The following EXOC1L variants were observed in gnomAD, a reference collection of about 807,000 sequenced individuals.
The protein encoded by EXOC1L is exocyst complex component 1-like.
EXOC1L carries 10 observed loss-of-function variants against 4.9 expected under a neutral mutation model. That is an observed-to-expected ratio of 2.02 (90% CI 1.25 to 3.43). The LOEUF is 3.43. EXOC1L is among the 30% of genes most tolerant of loss of function. EXOC1L has a pLI of 0.00. For missense variants in EXOC1L, 114 were observed against 59.4 expected, an observed-to-expected ratio of 1.92 and a Z score of -3.02; for synonymous variants, 41 against 20.8, an observed-to-expected ratio of 1.97 and a Z score of -2.63.
chr4:55,837,172 G>T lies in EXOC1L; in HGVS notation c.340G>T (p.Val114Leu). ...CASKYAFARTVNKLNHAYLKK... is the reference protein window; with the variant it reads ...CASKYAFARTLNKLNHAYLKK... ...TTCTAAATATGCCTTTGCTCGAACT[G>T]TAAATAAGCTGAATCATGCATATCT... is the stretch of plus-strand genomic sequence containing the variant. The change falls in exon 3 of 3, where the codon GTA (valine) becomes TTA (leucine). Residue 114 changes from valine to leucine, a missense_variant. Transcript: ENST00000636125. 1 of 702,082 alleles carries T rather than the reference G, an allele frequency of 1.4e-6. No individual in the cohort carries two copies. Among genetic ancestry groups the T allele is most frequent in the Non-Finnish European group, 2.6e-6 (1 of 384,352 alleles). The allele number at this position is 702,082 out of a possible 1,614,324, so 43.5% of individuals were successfully genotyped here.
At chr4:55,829,091 C>T (rs1054791512) in intron 1 of EXOC1L, among the ~76,000 whole-genome samples, 5 of 152,108 alleles carry the variant, frequency 3.3e-5, no homozygotes, top group African/African-American at 1.2e-4. Flanking sequence ...GGTTTTCATC[C>T]AGTGTTGTTT....
intron 1 of EXOC1L, among the ~76,000 whole-genome samples, chr4:55,829,304 C>A (rs1719965842): frequency 6.6e-6 from 1 of 152,174 alleles, no homozygotes; most frequent in Non-Finnish European, 1.5e-5. Flanking sequence ...GAATTTGGAT[C>A]ATTCTGATGT....
chr4:55,824,707 A>G (rs1163727264), intron 1 of EXOC1L, among the ~76,000 whole-genome samples: 1 of 152,198 alleles, frequency 6.6e-6, no homozygotes, highest in African/African-American at 2.4e-5. Flanking sequence ...AAATCAGGGT[A>G]ATTGTAGGTG....
rs530482591 is a variant in EXOC1L, at chr4:55,831,390, G to A, written c.178G>A (p.Asp60Asn). ...GGTGAAACACTACAGAATAGGTTTA[G>A]ATGAAAAATATGAAGTAACAAAAAA... Reference protein sequence around the residue: ...VMVKHYRIGLDEKYEVTKKWS... With the variant: ...VMVKHYRIGLNEKYEVTKKWS... The change falls in exon 2 of 3, where the codon GAT becomes AAT. Residue 60 changes from aspartate (D) to asparagine (N), a missense_variant. Coordinates refer to ENST00000636125, the MANE Select transcript of EXOC1L (RefSeq NM_001351574.3). 2.9e-5 allele frequency: 20 copies of A among 693,918 alleles called. No individual in the cohort carries two copies. In the East Asian group the frequency reaches 4.9e-4, roughly 17 times the overall value. The allele number at this position is 693,918 out of a possible 1,614,324, so 43.0% of individuals were successfully genotyped here.
Position 55,837,437 on chromosome 4 carries a change from A to C in EXOC1L, c.*86A>C. On this transcript the variant is annotated 3_prime_UTR_variant, in exon 3 of 3. Transcript: ENST00000636125. Reference sequence around the variant, plus strand: ...ATTGTCATAATTTTGTTTTTCCTTCATCAGTGATTATTATAATTTAAATAA... The same window carrying C: ...ATTGTCATAATTTTGTTTTTCCTTCCTCAGTGATTATTATAATTTAAATAA... The C allele has an allele frequency of 2.3e-6, 1 of 438,854 alleles. No homozygotes were observed. Among genetic ancestry groups the C allele is most frequent in the East Asian group, 3.3e-5 (1 of 29,878 alleles). 27.2% of individuals were successfully genotyped at this position (438,854 alleles called of 1,614,324 possible). A position where few individuals can be genotyped will look rare whatever the true frequency, so the allele number is the denominator to read the frequency against.
At chr4:55,835,798 T>C in intron 2 of EXOC1L, among the ~76,000 whole-genome samples, 1 of 152,062 alleles carries the variant, frequency 6.6e-6, no homozygotes. Flanking sequence ...TCTCCCACTC[T>C]GTGGGTTGTC....
intron 2 of EXOC1L, among the ~76,000 whole-genome samples, chr4:55,834,528 C>T (rs1041140990): frequency 2.0e-5 from 3 of 151,932 alleles, no homozygotes; most frequent in East Asian, 1.9e-4. Flanking sequence ...AATTATTACG[C>T]TAAAGGAAAA....
intron 2 of EXOC1L, among the ~76,000 whole-genome samples, chr4:55,836,416 G>T (rs1487767032): frequency 1.3e-5 from 2 of 151,928 alleles, no homozygotes; most frequent in Non-Finnish European, 2.9e-5. Flanking sequence ...AGGCATCATT[G>T]TTACTGCTAT....
chr4:55,834,594 G>T (rs534502681), intron 2 of EXOC1L, among the ~76,000 whole-genome samples: 1 of 151,944 alleles, frequency 6.6e-6, no homozygotes, highest in East Asian at 1.9e-4. Context: ...ACCTGATGAG[G>T]AGCAAATGTT....
intron 2 of EXOC1L, among the ~76,000 whole-genome samples, chr4:55,835,741 G>A (rs187150903): frequency 3.4e-4 from 51 of 152,050 alleles, no homozygotes; most frequent in Admixed American, 7.2e-4. Context: ...GTTCCTTGTA[G>A]ATTCTGGATA....
chr4:55,832,290 T>A (rs1720057061), intron 2 of EXOC1L, among the ~76,000 whole-genome samples: 2 of 152,146 alleles, frequency 1.3e-5, no homozygotes, highest in Non-Finnish European at 2.9e-5. Flanking sequence ...AATAAGTCTT[T>A]GTAGTGTTAT....
rs112164936 is a variant in EXOC1L at position 55,835,914 on chromosome 4, T to C, written c.253-1171T>C. ...ATATCACAATCTTTAGGAACTATCA[T>C]TTATTAAGCTCCACGCTCGTTTACA... is the stretch of plus-strand genomic sequence containing the variant. On this transcript the variant is annotated intron_variant, in intron 2 of 2. Transcript: ENST00000636125. Among the ~76,000 whole-genome samples the C allele has an allele frequency of 5.0e-3, 765 of 152,066 alleles. 8 individuals are homozygous for C. Among genetic ancestry groups the C allele is most frequent in the Non-Finnish European group, 7.0e-3 (475 of 67,836 alleles).
intron 2 of EXOC1L, 59 bp from the exon 3 acceptor site, chr4:55,837,026 C>T (rs1720181847): frequency 1.7e-6 from 1 of 605,508 alleles, no homozygotes; most frequent in Admixed American, 2.5e-5. Context: ...TGAGAGAATC[C>T]AGGAAACCTA....
At chr4:55,820,431 G>T (rs957569836) in intron 1 of EXOC1L, among the ~76,000 whole-genome samples, 41 of 152,264 alleles carry the variant, frequency 2.7e-4, no homozygotes, top group Admixed American at 2.2e-3. Context: ...CCAATCGTTT[G>T]TTTAATTCAT....
chr4:55,820,684 C>T (rs919760876), intron 1 of EXOC1L, among the ~76,000 whole-genome samples: 6 of 152,174 alleles, frequency 3.9e-5, no homozygotes, highest in Admixed American at 6.5e-5. Context: ...ACTTCTTTCT[C>T]TTATAGGAAG....
rs1719739414 is a variant in EXOC1L, at chr4:55,821,479, G to T, written c.121+1332G>T. ...AAAATGTAATAATTTTGTATTTGTT[G>T]TAATTTCCACTTTATAAAGCTGATT... On this transcript the variant is annotated intron_variant, in intron 1 of 2. Transcript: ENST00000636125. 2.0e-5 allele frequency among the ~76,000 whole-genome samples: 3 copies of T among 152,132 alleles called. 1 individual carries two copies. In the South Asian group the frequency reaches 6.2e-4, roughly 31 times the overall value.
chr4:55,835,528 G>T (rs994451975), intron 2 of EXOC1L, among the ~76,000 whole-genome samples: 3 of 151,612 alleles, frequency 2.0e-5, no homozygotes, highest in Non-Finnish European at 4.4e-5. Flanking sequence ...ACTATTTTTT[G>T]ATTTTTTGAT....
At chr4:55,827,030 C>T (rs1719902276) in intron 1 of EXOC1L, among the ~76,000 whole-genome samples, 1 of 152,172 alleles carries the variant, frequency 6.6e-6, no homozygotes, top group Admixed American at 6.5e-5. Flanking sequence ...AAATAAGTTT[C>T]TGAACCTTAA....
intron 1 of EXOC1L, among the ~76,000 whole-genome samples, chr4:55,822,936 T>C (rs1326029195): frequency 2.0e-5 from 3 of 150,954 alleles, no homozygotes; most frequent in Admixed American, 6.6e-5. Context: ...TGTATATATG[T>C]ATATACTATA....
Sources: allele counts gnomAD v4.1 joint callset (sites outside exome capture counted in the v4.1 genomes callset), GRCh38; gene constraint gnomAD v4.1.1; transcripts MANE v1.5; gene names NCBI Gene and HGNC (gene_info 2026-07-23, HGNC 2026-07-21).